ATG10: variants seen among roughly 807,000 people sequenced by gnomAD.
The protein encoded by ATG10 is autophagy related 10, also known as ubiquitin-like-conjugating enzyme ATG10.
A neutral mutation model predicts 32.1 loss-of-function variants in ATG10; 30 were observed. The observed-to-expected ratio is 0.94, with a 90% CI of 0.70 to 1.27. ATG10 has a LOEUF of 1.27. ATG10 is among the 50% of genes most tolerant of loss of function. ATG10 has a pLI of 0.00. For missense variants in ATG10, 233 were observed against 262.3 expected (o/e 0.89, Z 0.77); for synonymous variants, 87 against 91.5 (o/e 0.95, Z 0.28).
chr5:82,055,965 A>C (rs778200454), intron 2 of ATG10, among the ~76,000 whole-genome samples: 5 of 152,206 alleles, frequency 3.3e-5, no homozygotes, highest in Non-Finnish European at 5.9e-5. Flanking sequence ...AACTATGTCT[A>C]TAGCCTACGT....
At chr5:82,250,352 C>T (rs1418324504) in intron 5 of ATG10, among the ~76,000 whole-genome samples, 3 of 152,024 alleles carry the variant, frequency 2.0e-5, no homozygotes, top group Non-Finnish European at 4.4e-5. Context: ...AACAAAAATA[C>T]CATAGACTGG....
chr5:82,124,682 G>T (rs894353250), intron 3 of ATG10, among the ~76,000 whole-genome samples: 5 of 151,988 alleles, frequency 3.3e-5, no homozygotes, highest in African/African-American at 1.2e-4. Context: ...TCTTTATCCA[G>T]TCTAACATTG....
chr5:82,143,170 A>G (rs534147881), intron 3 of ATG10, among the ~76,000 whole-genome samples: 2 of 152,374 alleles, frequency 1.3e-5, no homozygotes, highest in Admixed American at 6.5e-5. Flanking sequence ...AAGCGAGGCC[A>G]CCTTCACAGA....
At chr5:82,066,392 C>G (rs1219835833) in intron 3 of ATG10, among the ~76,000 whole-genome samples, 1 of 152,056 alleles carries the variant, frequency 6.6e-6, no homozygotes, top group Non-Finnish European at 1.5e-5. Context: ...TTTTATTTAT[C>G]CATTTACTAT....
intron 5 of ATG10, among the ~76,000 whole-genome samples, chr5:82,193,034 T>A (rs1270631858): frequency 6.6e-6 from 1 of 152,188 alleles, no homozygotes; most frequent in Non-Finnish European, 1.5e-5. Context: ...GAGGTGGGGT[T>A]GGCAGATCAC....
intron 3 of ATG10, among the ~76,000 whole-genome samples, chr5:82,094,314 T>A (rs1273497362): frequency 6.6e-6 from 1 of 152,146 alleles, no homozygotes; most frequent in Non-Finnish European, 1.5e-5. Context: ...GCAAGATAAA[T>A]CTAGTTCTTG....
chr5:82,028,226 A>G (rs78048128), intron 2 of ATG10, among the ~76,000 whole-genome samples: 7,571 of 152,274 alleles, frequency 0.05, 462 homozygotes, highest in African/African-American at 0.15. Context: ...CAAATGAGTC[A>G]GGTTTTATTT....
At chr5:82,103,220 T>C (rs530756933) in intron 3 of ATG10, among the ~76,000 whole-genome samples, 3 of 152,322 alleles carry the variant, frequency 2.0e-5, no homozygotes, top group South Asian at 4.1e-4. Context: ...TTAATAAATA[T>C]GTTTTGATCT....
In ATG10 at chr5:82,120,026, G is replaced by A. The variant is rs536653443; in HGVS notation, c.217-44373G>A. ...TGTGTGTGTGTGTGTGTGTACGCACGCACATACCCGTGAAGATCTGTTTTG... is the reference window on the plus strand; with the variant it reads ...TGTGTGTGTGTGTGTGTGTACGCACACACATACCCGTGAAGATCTGTTTTG... On this transcript the variant is annotated intron_variant, in intron 3 of 7. Transcript: ENST00000282185. Among the ~76,000 whole-genome samples the A allele has an allele frequency of 4.0e-5, 6 of 149,486 alleles. No homozygotes were observed. The South Asian group carries it at 1.1e-3, about 27-fold the overall frequency.
At chr5:82,077,089 C>T (rs912954474) in intron 3 of ATG10, among the ~76,000 whole-genome samples, 4 of 152,088 alleles carry the variant, frequency 2.6e-5, no homozygotes, top group South Asian at 2.1e-4. Context: ...TTTGGGAGTT[C>T]GAGGCAGGCG....
intron 4 of ATG10, among the ~76,000 whole-genome samples, chr5:82,165,780 G>A (rs1043451228): frequency 6.6e-6 from 1 of 152,168 alleles, no homozygotes; most frequent in African/African-American, 2.4e-5. Context: ...ATACTAAAAA[G>A]TAGGAGATAT....
intron 2 of ATG10, among the ~76,000 whole-genome samples, chr5:82,041,683 TAG>T (rs1436773899): frequency 3.2e-4 from 48 of 152,308 alleles, no homozygotes; most frequent in Middle Eastern, 6.8e-3. Flanking sequence ...AAATGAGCTC[TAG>T]AAATCTTTGA....
intron 5 of ATG10, among the ~76,000 whole-genome samples, chr5:82,229,795 AG>A (rs907548110): frequency 2.0e-5 from 3 of 152,160 alleles, no homozygotes; most frequent in Non-Finnish European, 2.9e-5. Context: ...ACTTTACATA[AG>A]GGACTTGAAC....
chr5:82,204,304 A>C (rs1041709007), intron 5 of ATG10, among the ~76,000 whole-genome samples: 1 of 152,208 alleles, frequency 6.6e-6, no homozygotes, highest in African/African-American at 2.4e-5. Context: ...CTGGGGTACA[A>C]TGAAGAGCAA....
chr5:82,013,247 G>A (rs1037878890), intron 2 of ATG10, among the ~76,000 whole-genome samples: 3 of 152,116 alleles, frequency 2.0e-5, no homozygotes, highest in Admixed American at 1.3e-4. Context: ...CACCGCATCC[G>A]GCCCATTGTA....
intron 3 of ATG10, among the ~76,000 whole-genome samples, chr5:82,089,897 C>T (rs1044386860): frequency 7.2e-5 from 11 of 151,788 alleles, no homozygotes; most frequent in African/African-American, 2.7e-4. Flanking sequence ...CAGAACTTAA[C>T]ATTATAAAAA....
intron 3 of ATG10, among the ~76,000 whole-genome samples, chr5:82,079,437 T>C (rs966777497): frequency 1.3e-5 from 2 of 152,000 alleles, no homozygotes; most frequent in African/African-American, 4.8e-5. Flanking sequence ...TACATATGTA[T>C]ACATATGCCA....
intron 3 of ATG10, among the ~76,000 whole-genome samples, chr5:82,154,210 G>A (rs1411077632): frequency 6.6e-6 from 1 of 152,066 alleles, no homozygotes; most frequent in Admixed American, 6.6e-5. Flanking sequence ...TGCACTATTG[G>A]AACAAACCCA....
intron 3 of ATG10, among the ~76,000 whole-genome samples, chr5:82,079,098 T>A (rs888369648): frequency 6.6e-6 from 1 of 152,234 alleles, no homozygotes; most frequent in Non-Finnish European, 1.5e-5. Context: ...ATTCTTGTAG[T>A]TTCATTCAGA....
Sources: allele counts gnomAD v4.1 joint callset (sites outside exome capture counted in the v4.1 genomes callset), GRCh38; gene constraint gnomAD v4.1.1; transcripts MANE v1.5; gene names NCBI Gene and HGNC (gene_info 2026-07-23, HGNC 2026-07-21).